The following NIPAL2 variants were observed in gnomAD, a reference collection of about 807,000 sequenced individuals.
NIPAL2 encodes NIPA like domain containing 2, also known as NIPA-like protein 2.
NIPAL2 carries 43 observed loss-of-function variants against 48.9 expected under a neutral mutation model. The observed-to-expected ratio is 0.88, with a 90% CI of 0.69 to 1.13. The LOEUF is 1.13. NIPAL2 is among the 50% of genes most tolerant of loss of function. The probability of loss-of-function intolerance (pLI) is 0.00; values close to 1 mark genes in which losing one functional copy is unlikely to be tolerated. For synonymous variants in NIPAL2, 167 were observed against 174.6 expected (o/e 0.96, Z 0.34); for missense variants, 446 against 461.4 (o/e 0.97, Z 0.31).
chr8:98,246,496 T>C (rs1391460317), intron 3 of NIPAL2, among the ~76,000 whole-genome samples: 5 of 152,224 alleles, frequency 3.3e-5, no homozygotes, highest in African/African-American at 1.2e-4. Flanking sequence ...GAGATCTTGC[T>C]GCTATTATCT....
chr8:98,193,299 C>T, intron 10 of NIPAL2: 1 of 1,465,578 alleles, frequency 6.8e-7, no homozygotes, highest in Non-Finnish European at 9.6e-7. Context: ...GTGTCAGAGC[C>T]ACTATCCCCA....
chr8:98,244,025 T>A (rs1813134207), intron 3 of NIPAL2, among the ~76,000 whole-genome samples: 1 of 152,150 alleles, frequency 6.6e-6, no homozygotes, highest in Non-Finnish European at 1.5e-5. Flanking sequence ...CCCTTTATTA[T>A]CACTTCTTAA....
At chr8:98,230,862 G>A (rs368683217) in intron 4 of NIPAL2, among the ~76,000 whole-genome samples, 1 of 152,084 alleles carries the variant, frequency 6.6e-6, no homozygotes, top group East Asian at 1.9e-4. Context: ...CTCTCTCCCC[G>A]AACTAAAACC....
intron 4 of NIPAL2, among the ~76,000 whole-genome samples, chr8:98,225,168 TTAA>T (rs1401508649): frequency 6.6e-6 from 1 of 152,226 alleles, no homozygotes; most frequent in Non-Finnish European, 1.5e-5. Context: ...TTCTTTCTTC[TTAA>T]TAATTTTTAT....
At chr8:98,245,834 C>T (rs559448457) in intron 3 of NIPAL2, among the ~76,000 whole-genome samples, 3 of 152,336 alleles carry the variant, frequency 2.0e-5, no homozygotes, top group Non-Finnish European at 4.4e-5. Flanking sequence ...ATTAAAACTT[C>T]AGAGTTTTAT....
rs748261007 is a variant in NIPAL2, at chr8:98,205,260, CA to C, written c.656-15del. 4.4e-6 allele frequency: 7 copies of C among 1,593,908 alleles called. No individual in the cohort carries two copies. The East Asian group carries it at 6.7e-5, about 15-fold the overall frequency. ...CAGTCAATGAGGCTGAAAAAGAAAA[CA>C]AAAAACACAAATAAAGAACATATTT... On this transcript the variant is annotated splice_polypyrimidine_tract_variant and intron_variant, in intron 6 of 10. Coordinates refer to ENST00000430223, the MANE Select transcript of NIPAL2 (RefSeq NM_001321635.2).
intron 1 of NIPAL2, among the ~76,000 whole-genome samples, chr8:98,274,426 C>CT (rs962216919): frequency 2.0e-5 from 3 of 151,856 alleles, no homozygotes; most frequent in Non-Finnish European, 2.9e-5. Flanking sequence ...TGGCTTTAGA[C>CT]TTTTTTTCCT....
intron 8 of NIPAL2, 43 bp from the exon 9 acceptor site, chr8:98,196,048 G>A: frequency 8.3e-7 from 1 of 1,205,174 alleles, no homozygotes; most frequent in Non-Finnish European, 1.2e-6. Context: ...TTGAAGTAAG[G>A]TTATTTATAA....
intron 1 of NIPAL2, 97 bp downstream of exon 1, chr8:98,293,906 G>C (rs1477287256): frequency 8.6e-7 from 1 of 1,157,298 alleles, no homozygotes; most frequent in Non-Finnish European, 1.1e-6. Flanking sequence ...GTCTTCCTGA[G>C]AGCTGGCAGG....
At chr8:98,218,837 C>T (rs550883356) in intron 5 of NIPAL2, among the ~76,000 whole-genome samples, 14 of 152,160 alleles carry the variant, frequency 9.2e-5, no homozygotes, top group Non-Finnish European at 1.3e-4. Flanking sequence ...AACAGCACTG[C>T]GTTATGTGGC....
chr8:98,230,700 C>T (rs969363041), intron 4 of NIPAL2, among the ~76,000 whole-genome samples: 1 of 152,146 alleles, frequency 6.6e-6, no homozygotes, highest in Admixed American at 6.5e-5. Flanking sequence ...TCTATAGATA[C>T]CTGTGCACCA....
intron 1 of NIPAL2, among the ~76,000 whole-genome samples, chr8:98,259,069 C>CTTT (rs1563531576): frequency 0.014 from 1,220 of 89,238 alleles, 74 homozygotes; most frequent in Non-Finnish European, 0.019. Flanking sequence ...TTTAAATATT[C>CTTT]CTTTTTTTTT....
At chr8:98,281,513 T>A (rs1563554733) in intron 1 of NIPAL2, among the ~76,000 whole-genome samples, 1 of 152,190 alleles carries the variant, frequency 6.6e-6, no homozygotes, top group Admixed American at 6.5e-5. Flanking sequence ...TGTAACGCAA[T>A]TATAAAAGCT....
intron 1 of NIPAL2, among the ~76,000 whole-genome samples, chr8:98,264,448 C>T (rs1171958096): frequency 1.3e-5 from 2 of 148,150 alleles, no homozygotes; most frequent in Non-Finnish European, 3.0e-5. Flanking sequence ...GATACAAAAT[C>T]AATGTACAAA....
chr8:98,192,212 T>C lies in NIPAL2; in HGVS notation c.*766A>G, dbSNP rs2130672338. ...ACAAACATTAGTCCTACTTTTTGTCTCTAACGCTTCATGAATTTATGTGTC... is the reference window on the plus strand; with the variant it reads ...ACAAACATTAGTCCTACTTTTTGTCCCTAACGCTTCATGAATTTATGTGTC... On this transcript the variant is annotated 3_prime_UTR_variant, in exon 11 of 11. Transcript: ENST00000430223. 1 of 152,368 alleles carries C rather than the reference T, an allele frequency of 6.6e-6. No individual in the cohort carries two copies. Among genetic ancestry groups the C allele is most frequent in the East Asian group, 1.9e-4 (1 of 5,190 alleles). 9.4% of individuals were successfully genotyped at this position (152,368 alleles called of 1,614,324 possible).
At chr8:98,193,955 T>C (rs1280162958) in intron 10 of NIPAL2, among the ~76,000 whole-genome samples, 2 of 152,172 alleles carry the variant, frequency 1.3e-5, no homozygotes, top group Non-Finnish European at 2.9e-5. Context: ...GAACACAGAA[T>C]TCATTGCATG....
chr8:98,280,761 T>TATATATAGAG, intron 1 of NIPAL2, among the ~76,000 whole-genome samples: 508 of 30,022 alleles, frequency 0.017, 12 homozygotes, highest in Non-Finnish European at 0.022. Context: ...TATATATATA[T>TATATATAGAG]AGAGAGAGAG....
intron 1 of NIPAL2, among the ~76,000 whole-genome samples, chr8:98,259,751 A>G (rs1194091294): frequency 6.6e-6 from 1 of 152,136 alleles, no homozygotes; most frequent in African/African-American, 2.4e-5. Flanking sequence ...GACACACACA[A>G]CCCTGCTGTG....
Position 98,220,964 on chromosome 8 carries a change from C to CTTTTTTTT in NIPAL2, c.558+1507_558+1514dup, listed in dbSNP as rs557824737. Reference sequence around the variant, plus strand: ...TATTTCTCTATCAGTTCATTTCATTCTTTTTTTTTTTTTTTTTTTTTTTTT... The same window carrying CTTTTTTTT: ...TATTTCTCTATCAGTTCATTTCATTCTTTTTTTTTTTTTTTTTTTTTTTTTTTTTTTTT... On this transcript the variant is annotated intron_variant, in intron 5 of 10. Coordinates refer to ENST00000430223, the MANE Select transcript of NIPAL2 (RefSeq NM_001321635.2). 5.2e-4 allele frequency among the ~76,000 whole-genome samples: 36 copies of CTTTTTTTT among 68,668 alleles called. 1 individual carries two copies. Among genetic ancestry groups the CTTTTTTTT allele is most frequent in the African/African-American group, 6.4e-4 (10 of 15,684 alleles). 45.0% of individuals were successfully genotyped at this position (68,668 alleles called of 152,430 possible). A position where few individuals can be genotyped will look rare whatever the true frequency, so the allele number is the denominator to read the frequency against.
Sources: gnomAD v4.1 joint callset for allele counts (sites outside exome capture counted in the v4.1 genomes callset) on GRCh38, gnomAD v4.1.1 for gene constraint, MANE v1.5 for transcripts, NCBI Gene and HGNC (gene_info 2026-07-23, HGNC 2026-07-21) for gene names.